COL8A1: variants seen among roughly 807,000 people sequenced by gnomAD.
COL8A1 encodes the protein collagen type VIII alpha 1 chain.
COL8A1 carries 21 observed loss-of-function variants against 42.7 expected under a neutral mutation model. The observed-to-expected ratio is 0.49, with a 90% CI of 0.35 to 0.71. COL8A1 has a LOEUF of 0.71. COL8A1 is among the 30% of genes least tolerant of loss of function. The probability of loss-of-function intolerance (pLI) is 0.01; values close to 1 mark genes in which losing one functional copy is unlikely to be tolerated. For synonymous variants in COL8A1, 367 were observed against 369.1 expected (o/e 0.99, Z 0.06); for missense variants, 788 against 962.4 (o/e 0.82, Z 2.40).
intron 1 of COL8A1, among the ~76,000 whole-genome samples, chr3:99,660,981 G>A (rs1350955651): frequency 6.6e-6 from 1 of 152,160 alleles, no homozygotes; most frequent in African/African-American, 2.4e-5. Flanking sequence ...TGGAAATGGG[G>A]TAATGATCAT....
intron 1 of COL8A1, among the ~76,000 whole-genome samples, chr3:99,743,119 T>G (rs926409516): frequency 5.9e-5 from 9 of 152,046 alleles, no homozygotes; most frequent in Non-Finnish European, 4.4e-5. Context: ...ATCTGGAGAG[T>G]TTTTTTCATG....
intron 1 of COL8A1, chr3:99,679,602 C>T (rs1236215739): frequency 6.6e-6 from 1 of 152,182 alleles, no homozygotes; most frequent in African/African-American, 2.4e-5. Flanking sequence ...ATACTTTACT[C>T]TTTCACTAAC....
rs938985637 is a variant in COL8A1, at chr3:99,794,163, G to A, written c.329-67G>A. ...GGTTGTCAGTACTTCATTGATGTGA[G>A]AGACAATCTACTAATCAATCTCTCT... On this transcript the variant is annotated intron_variant, in intron 3 of 3. Transcript: ENST00000652472. This position sits in a 1 kb window ranked among gnomAD's most constrained non-coding sequence, Gnocchi z 4.3. 1 of 1,002,904 alleles carries A rather than the reference G, an allele frequency of 1.0e-6. No individual in the cohort carries two copies. Among genetic ancestry groups the A allele is most frequent in the South Asian group, 1.7e-5 (1 of 57,718 alleles). The allele number at this position is 1,002,904 out of a possible 1,614,324, so 62.1% of individuals were successfully genotyped here.
rs1156862468 is a variant in COL8A1, at chr3:99,795,591, C to T, written c.1690C>T (p.Pro564Ser). 6.2e-7 allele frequency: 1 copy of T among 1,611,140 alleles called. No individual in the cohort carries two copies. Among genetic ancestry groups the T allele is most frequent in the Non-Finnish European group, 8.5e-7 (1 of 1,178,186 alleles). Residue 564 changes from proline to serine, a missense_variant, in exon 4 of 4, where the codon CCT becomes TCT. This residue lies in a region of COL8A1 where 154 missense variants were observed against 182.3 expected (regional missense o/e 0.84). Coordinates refer to ENST00000652472, the MANE Select transcript of COL8A1 (RefSeq NM_020351.4). ...GCCTGGCCTTCCAGGACCCCCAGGC[C>T]CTCCAGGACCTCCAGGACCCCCAGC... ...GQPGLPGPPG[P>S]PGPPGPPAVM...
intron 2 of COL8A1, among the ~76,000 whole-genome samples, chr3:99,758,669 G>A (rs1941307045): frequency 6.6e-6 from 1 of 152,146 alleles, no homozygotes. Flanking sequence ...CACGTTCCAT[G>A]TAGAGAAGAC....
chr3:99,668,046 C>T (rs906204119), intron 1 of COL8A1, among the ~76,000 whole-genome samples: 2 of 152,032 alleles, frequency 1.3e-5, no homozygotes, highest in South Asian at 4.1e-4. Flanking sequence ...ATTTTCCTAT[C>T]AGCTAAGCAT....
chr3:99,681,442 A>G (rs934138245), intron 1 of COL8A1, among the ~76,000 whole-genome samples: 14 of 152,200 alleles, frequency 9.2e-5, no homozygotes, highest in African/African-American at 3.1e-4. Flanking sequence ...CATAGGGTCC[A>G]AAGGAGACTG....
chr3:99,749,093 T>G (rs1308810143), intron 2 of COL8A1, among the ~76,000 whole-genome samples: 1 of 152,212 alleles, frequency 6.6e-6, no homozygotes, highest in African/African-American at 2.4e-5. Flanking sequence ...AATCCCTAAA[T>G]AAATAGCTTA....
chr3:99,795,833 G>A lies in COL8A1; in HGVS notation c.1932G>A (p.Gln644=), dbSNP rs1942097191. Residue 644 remains glutamine, a synonymous_variant, in exon 4 of 4, where the codon CAG becomes CAA. Transcript: ENST00000652472. ...KFNKLLYNGR[Q]NYNPQTGIFT... ...ACAAACTGCTGTATAACGGCAGACA[G>A]AACTACAACCCGCAGACAGGCATCT... is the stretch of plus-strand genomic sequence containing the variant. 6.2e-7 allele frequency: 1 copy of A among 1,614,078 alleles called. No homozygotes were observed. The highest frequency in any genetic ancestry group is 2.2e-5 in the East Asian group (1 of 44,892).
intron 2 of COL8A1, among the ~76,000 whole-genome samples, chr3:99,759,079 C>T (rs1347117737): frequency 2.6e-5 from 4 of 151,442 alleles, no homozygotes; most frequent in Admixed American, 2.6e-4. Context: ...ATCGATCCTA[C>T]TCCCAACCCA....
In COL8A1 at chr3:99,797,702, G is replaced by T. The variant is rs1942129237; in HGVS notation, c.*1566G>T. 6.6e-6 allele frequency: 1 copy of T among 152,196 alleles called. No homozygotes were observed. Among genetic ancestry groups the T allele is most frequent in the African/African-American group, 2.4e-5 (1 of 41,442 alleles). The allele number at this position is 152,196 out of a possible 1,614,324, so 9.4% of individuals were successfully genotyped here. A position where few individuals can be genotyped will look rare whatever the true frequency, so the allele number is the denominator to read the frequency against. Reference sequence around the variant, plus strand: ...AACAGATGTGCTGCTTCTGGGTGTAGGTAGTAAAAGTATAGGAAAAGAACT... The same window carrying T: ...AACAGATGTGCTGCTTCTGGGTGTATGTAGTAAAAGTATAGGAAAAGAACT... On this transcript the variant is annotated 3_prime_UTR_variant, in exon 4 of 4. Transcript: ENST00000652472.
At chr3:99,777,491 G>C (rs11706941) in intron 2 of COL8A1, among the ~76,000 whole-genome samples, 3 of 152,160 alleles carry the variant, frequency 2.0e-5, no homozygotes, top group African/African-American at 7.2e-5. Context: ...TTTGCTATTA[G>C]GGTGGAGAAC....
rs143147819 is a variant in COL8A1, at chr3:99,761,746, T to C, written c.-4+16725T>C. ...ATATCTAGATATCTCTGGCTTTAGA[T>C]ATCTAGAGAAAACACGTGGAACATG... On this transcript the variant is annotated intron_variant, in intron 2 of 3. Transcript: ENST00000652472. 3.5e-3 allele frequency among the ~76,000 whole-genome samples: 536 copies of C among 152,274 alleles called. 5 individuals are homozygous for C. The highest frequency in any genetic ancestry group is 0.012 in the African/African-American group (508 of 41,542).
At chr3:99,743,028 T>C (rs1047518827) in intron 1 of COL8A1, among the ~76,000 whole-genome samples, 7 of 152,358 alleles carry the variant, frequency 4.6e-5, no homozygotes, top group African/African-American at 1.7e-4. Context: ...ACATAGTAGG[T>C]GCTCAATAAA....
Position 99,794,283 on chromosome 3 carries a change from C to G in COL8A1, c.382C>G (p.Pro128Ala). The G allele has an allele frequency of 1.2e-6, 2 of 1,611,672 alleles. No individual in the cohort carries two copies. The highest frequency in any genetic ancestry group is 8.5e-7 in the Non-Finnish European group (1 of 1,178,926). The part of the protein sequence containing the change: ...GEQGPRGEPG[P>A]RGPPGPPGLP... ...ACAAGGTCCCCGTGGAGAGCCTGGC[C>G]CAAGAGGACCACCTGGGCCCCCTGG... Residue 128 changes from proline to alanine, a missense_variant, in exon 4 of 4, where the codon CCA becomes GCA. Pro to Ala is a conservative substitution (Grantham distance 27). Around this residue, in one of 4 missense-constraint regions of COL8A1, gnomAD observed 421 missense variants for 553.1 expected, o/e 0.76. Transcript: ENST00000652472. This position sits in a 1 kb window ranked among gnomAD's most constrained non-coding sequence, Gnocchi z 4.3.
chr3:99,646,087 C>A (rs1937635255), intron 1 of COL8A1, among the ~76,000 whole-genome samples: 1 of 152,176 alleles, frequency 6.6e-6, no homozygotes, highest in Admixed American at 6.5e-5. Flanking sequence ...CAGCCAGGGT[C>A]TTGCCTAGAC....
At chr3:99,669,033 T>C (rs980169559) in intron 1 of COL8A1, among the ~76,000 whole-genome samples, 14 of 150,998 alleles carry the variant, frequency 9.3e-5, no homozygotes, top group Admixed American at 8.6e-4. Context: ...TCCAAGGTGT[T>C]ACTGAAGCTG....
chr3:99,668,621 C>G (rs1356223998), intron 1 of COL8A1, among the ~76,000 whole-genome samples: 1 of 151,988 alleles, frequency 6.6e-6, no homozygotes. Context: ...TTAAGTCTAA[C>G]TCTAATTTTT....
At chr3:99,762,348 G>A (rs971110931) in intron 2 of COL8A1, among the ~76,000 whole-genome samples, 15 of 152,234 alleles carry the variant, frequency 9.9e-5, no homozygotes, top group Middle Eastern at 3.4e-3. Context: ...AATAAAGGTC[G>A]AGATACCGTA....
Sources: gnomAD v4.1 joint callset for allele counts (sites outside exome capture counted in the v4.1 genomes callset) on GRCh38, gnomAD v4.1.1 for gene constraint, gnomAD v4.1.1 regional missense constraint, Gnocchi (gnomAD v3.1) non-coding constraint, MANE v1.5 for transcripts, NCBI Gene and HGNC (gene_info 2026-07-23, HGNC 2026-07-21) for gene names.